Variants in FAF1 observed in about 807,000 individuals in gnomAD.
FAF1 encodes the protein FAS-associated factor 1.
In FAF1, 25 loss-of-function variants were observed where a neutral mutation model predicts 92.5. The observed-to-expected ratio is 0.27, with a 90% CI of 0.20 to 0.38. The LOEUF is 0.38. FAF1 is among the 10% of genes least tolerant of loss of function. The probability of loss-of-function intolerance (pLI) is 1.00; values close to 1 mark genes in which losing one functional copy is unlikely to be tolerated. For missense variants in FAF1, 636 were observed against 793.3 expected (o/e 0.80, Z 2.38); for synonymous variants, 234 against 273.2 (o/e 0.86, Z 1.42).
At chr1:50,873,585 C>T (rs1180305718) in intron 1 of FAF1, among the ~76,000 whole-genome samples, 1 of 152,186 alleles carries the variant, frequency 6.6e-6, no homozygotes, top group African/African-American at 2.4e-5. Context: ...ACTCATTGTT[C>T]ATTAGCATAA....
intron 15 of FAF1, among the ~76,000 whole-genome samples, chr1:50,520,605 G>C (rs1647448857): frequency 6.6e-6 from 1 of 152,124 alleles, no homozygotes; most frequent in South Asian, 2.1e-4. Flanking sequence ...CCAGCACTTT[G>C]GGAGGCTGAG....
intron 7 of FAF1, among the ~76,000 whole-genome samples, chr1:50,701,342 AC>A (rs1657465572): frequency 6.6e-6 from 1 of 151,902 alleles, no homozygotes; most frequent in Non-Finnish European, 1.5e-5. Context: ...CCCTACTCTT[AC>A]TTCAGTTCTG....
chr1:50,719,007 T>G (rs1415523807), intron 6 of FAF1, among the ~76,000 whole-genome samples: 1 of 152,232 alleles, frequency 6.6e-6, no homozygotes, highest in Non-Finnish European at 1.5e-5. Context: ...TAATGTTTGT[T>G]GTAGCTAATG....
chr1:50,777,915 A>C (rs1362741399), intron 4 of FAF1, among the ~76,000 whole-genome samples: 2 of 152,184 alleles, frequency 1.3e-5, no homozygotes, highest in Non-Finnish European at 2.9e-5. Context: ...TGCTAACTCT[A>C]AACAAACATA....
chr1:50,621,391 CT>C (rs36053834), intron 8 of FAF1, among the ~76,000 whole-genome samples: 3,740 of 89,114 alleles, frequency 0.042, 6 homozygotes, highest in African/African-American at 0.059. Context: ...TTCTTTTTTT[CT>C]TTTTTTTTTT....
intron 2 of FAF1, among the ~76,000 whole-genome samples, chr1:50,847,606 A>G (rs1432675065): frequency 2.0e-5 from 3 of 152,250 alleles, no homozygotes; most frequent in Non-Finnish European, 1.5e-5. Flanking sequence ...ACAAAAAACA[A>G]ACTATTTAAT....
chr1:50,708,646 A>C (rs1657792084), intron 6 of FAF1, among the ~76,000 whole-genome samples: 1 of 152,108 alleles, frequency 6.6e-6, no homozygotes, highest in Non-Finnish European at 1.5e-5. Flanking sequence ...AATCACCTAG[A>C]AAAATAAGTG....
chr1:50,784,561 C>T (rs2124567379), intron 4 of FAF1, among the ~76,000 whole-genome samples: 1 of 152,268 alleles, frequency 6.6e-6, no homozygotes, highest in South Asian at 2.1e-4. Flanking sequence ...GGAAAAGCTT[C>T]CCATGGTCAT....
At chr1:50,846,704 G>T in intron 2 of FAF1, 1 of 602,502 alleles carries the variant, frequency 1.7e-6, no homozygotes, top group South Asian at 1.4e-5. Flanking sequence ...AAGCATGATG[G>T]AGCACTTCTC....
intron 1 of FAF1, among the ~76,000 whole-genome samples, chr1:50,903,251 T>G (rs918180614): frequency 3.3e-5 from 5 of 152,292 alleles, no homozygotes; most frequent in African/African-American, 1.2e-4. Context: ...GCCAAGATAT[T>G]TCATTAACTA....
At chr1:50,445,074 T>C (rs1461267742) in intron 18 of FAF1, among the ~76,000 whole-genome samples, 1 of 152,178 alleles carries the variant, frequency 6.6e-6, no homozygotes, top group Non-Finnish European at 1.5e-5. Context: ...TTATCTGAGG[T>C]AGGGACAATT....
chr1:50,868,434 AT>A (rs1478816184), intron 1 of FAF1, among the ~76,000 whole-genome samples: 51 of 151,812 alleles, frequency 3.4e-4, no homozygotes, highest in Admixed American at 2.0e-3. Context: ...CATCTTTATT[AT>A]TTCCTTCTTT....
intron 2 of FAF1, among the ~76,000 whole-genome samples, chr1:50,818,286 A>G (rs1643997502): frequency 1.3e-5 from 2 of 152,232 alleles, no homozygotes; most frequent in African/African-American, 4.8e-5. Context: ...CTCATACATT[A>G]CTGGTGGGAA....
chr1:50,873,255 C>T (rs1369710661), intron 1 of FAF1, among the ~76,000 whole-genome samples: 1 of 152,118 alleles, frequency 6.6e-6, no homozygotes, highest in African/African-American at 2.4e-5. Context: ...CACTGGGAAA[C>T]CAAAAAATTA....
intron 4 of FAF1, among the ~76,000 whole-genome samples, chr1:50,770,470 G>C (rs1171033812): frequency 1.3e-5 from 2 of 152,134 alleles, no homozygotes; most frequent in Non-Finnish European, 2.9e-5. Context: ...CAATGTCCAA[G>C]CTGAGAGTCA....
chr1:50,498,137 G>A (rs969767352), intron 15 of FAF1, among the ~76,000 whole-genome samples: 1 of 152,052 alleles, frequency 6.6e-6, no homozygotes, highest in East Asian at 1.9e-4. Flanking sequence ...TTCAACAAGG[G>A]TGGCAAGACC....
rs530607819 is a variant in FAF1 at position 50,590,913 on chromosome 1, C to T, written c.840+5208G>A. On this transcript the variant is annotated intron_variant, in intron 9 of 18. Transcript: ENST00000396153. Reference sequence around the variant, plus strand: ...AGGAGAATCACTTGAACCCAGGAGGCGGAGGTTGCAGTGAGCCAAGATCGT... The same window carrying T: ...AGGAGAATCACTTGAACCCAGGAGGTGGAGGTTGCAGTGAGCCAAGATCGT... Among the ~76,000 whole-genome samples the T allele has an allele frequency of 1.1e-4, 16 of 150,992 alleles. No individual in the cohort carries two copies. The South Asian group carries it at 2.7e-3, about 26-fold the overall frequency.
intron 13 of FAF1, among the ~76,000 whole-genome samples, chr1:50,555,462 C>T (rs1217174452): frequency 1.3e-5 from 2 of 152,046 alleles, no homozygotes; most frequent in African/African-American, 2.4e-5. Flanking sequence ...CATGAACAGA[C>T]ATTTTTCAAA....
At chr1:50,535,541 C>A in intron 14 of FAF1, 84 bp from the exon 15 acceptor site, 1 of 730,910 alleles carries the variant, frequency 1.4e-6, no homozygotes, top group South Asian at 2.1e-5. Context: ...ACTGGAAAGT[C>A]ATTCTAGAAT....
Sources: allele counts gnomAD v4.1 joint callset (sites outside exome capture counted in the v4.1 genomes callset), GRCh38; gene constraint gnomAD v4.1.1; transcripts MANE v1.5; gene names NCBI Gene and HGNC (gene_info 2026-07-23, HGNC 2026-07-21).